Variants in PUDP observed in about 807,000 individuals in gnomAD.
PUDP encodes the protein pseudouridine 5'-phosphatase.
Under a neutral mutation model 9.4 loss-of-function variants are expected in PUDP, and 8 were observed. The observed-to-expected ratio is 0.85, with a 90% CI of 0.50 to 1.53. The LOEUF (loss-of-function observed/expected upper bound fraction) is 1.53, where lower values mean the gene tolerates loss of function less well. Among genes scored for constraint, PUDP ranks in the 40% most tolerant of loss-of-function variants. The pLI, the probability that PUDP is intolerant of heterozygous loss-of-function variation, is 0.00. For synonymous variants in PUDP, 99 were observed against 80.7 expected (o/e 1.23, Z -1.22); for missense variants, 188 against 189.7 (o/e 0.99, Z 0.05).
At chrX:6,971,702 G>A (rs752038276) in intron 3 of PUDP, among the ~76,000 whole-genome samples, 365 of 111,251 alleles carry the variant, frequency 3.3e-3, no homozygotes, top group South Asian at 7.7e-3. Context: ...GGGATTACAG[G>A]CGTGAGCCAC....
chrX:7,113,928 A>C (rs1932121332), intron 1 of PUDP, among the ~76,000 whole-genome samples: 1 of 111,469 alleles, frequency 9.0e-6, no homozygotes, highest in African/African-American at 3.3e-5. Flanking sequence ...ATGGGGACTG[A>C]GAAGTCCAAC....
chrX:7,076,312 C>A (rs960652836), intron 3 of PUDP, among the ~76,000 whole-genome samples: 25 of 111,699 alleles, frequency 2.2e-4, no homozygotes, highest in Non-Finnish European at 1.5e-4. Context: ...CCCCACAAAC[C>A]ACAAAAGTCC....
chrX:7,145,783 T>A (rs1263275143), intron 1 of PUDP, among the ~76,000 whole-genome samples: 4 of 111,729 alleles, frequency 3.6e-5, no homozygotes, highest in Non-Finnish European at 7.5e-5. Context: ...CGTTTTCAAT[T>A]TTACTTCCCC....
intron 1 of PUDP, among the ~76,000 whole-genome samples, chrX:6,979,861 A>G (rs1569134645): frequency 8.9e-6 from 1 of 111,743 alleles, no homozygotes; most frequent in Non-Finnish European, 1.9e-5. Context: ...TAGCTCTAGA[A>G]TTAAAATTAT....
chrX:6,946,907 A>G (rs1356644185), intron 3 of PUDP, among the ~76,000 whole-genome samples: 1 of 111,489 alleles, frequency 9.0e-6, no homozygotes, highest in Non-Finnish European at 1.9e-5. Context: ...TGTAAAGTAA[A>G]CATGGATTAA....
chrX:7,071,599 C>T (rs1160511903), intron 3 of PUDP, among the ~76,000 whole-genome samples: 2 of 110,905 alleles, frequency 1.8e-5, no homozygotes. Context: ...CCTGTGCCAT[C>T]CCCAGTTCCC....
intron 1 of PUDP, among the ~76,000 whole-genome samples, chrX:7,032,310 C>T (rs1157494145): frequency 5.4e-5 from 6 of 111,718 alleles, no homozygotes; most frequent in East Asian, 2.8e-4. Context: ...TATAAAATGG[C>T]GCAACCACTT....
chrX:6,866,362 A>G (rs560913127), intron 3 of PUDP, among the ~76,000 whole-genome samples: 3 of 110,859 alleles, frequency 2.7e-5, no homozygotes, highest in South Asian at 7.6e-4. Flanking sequence ...AAATATTCCC[A>G]AAACTTGTTT....
intron 1 of PUDP, among the ~76,000 whole-genome samples, chrX:7,018,319 A>T (rs1929581304): frequency 8.9e-6 from 1 of 111,733 alleles, no homozygotes; most frequent in Non-Finnish European, 1.9e-5. Flanking sequence ...AGAACTATTC[A>T]TTTTATCTTT....
At chrX:7,138,885 T>A (rs1435483548) in intron 1 of PUDP, among the ~76,000 whole-genome samples, 3 of 82,150 alleles carry the variant, frequency 3.7e-5, no homozygotes, top group Non-Finnish European at 7.0e-5. Context: ...CACACTTCAA[T>A]GTAATCATTA....
intron 3 of PUDP, among the ~76,000 whole-genome samples, chrX:6,758,605 A>T (rs147694127): frequency 1.1e-3 from 127 of 111,679 alleles, no homozygotes; most frequent in African/African-American, 4.0e-3. Context: ...TGAGACAAAG[A>T]CCTGACATGG....
intron 3 of PUDP, among the ~76,000 whole-genome samples, chrX:6,796,542 G>C (rs1299267854): frequency 8.9e-6 from 1 of 111,849 alleles, no homozygotes; most frequent in Non-Finnish European, 1.9e-5. Flanking sequence ...CCCTACTGAT[G>C]GCATATATAA....
At chrX:6,853,208 A>C (rs1244984273) in intron 3 of PUDP, among the ~76,000 whole-genome samples, 1 of 111,367 alleles carries the variant, frequency 9.0e-6, no homozygotes, top group East Asian at 2.8e-4. Flanking sequence ...TCCCTTATCT[A>C]TGTCTACAGG....
At chrX:6,793,493 G>A (rs191741595) in intron 3 of PUDP, among the ~76,000 whole-genome samples, 63 of 112,004 alleles carry the variant, frequency 5.6e-4, no homozygotes, top group Non-Finnish European at 9.4e-4. Flanking sequence ...ACAAAAATTC[G>A]AACCATAGCA....
chrX:6,945,556 A>G (rs1248002846), intron 3 of PUDP, among the ~76,000 whole-genome samples: 1 of 111,847 alleles, frequency 8.9e-6, no homozygotes, highest in African/African-American at 3.2e-5. Context: ...TGGTCAATAT[A>G]CACAAAGAAA....
At chrX:7,063,439 C>T (rs901916640) in intron 3 of PUDP, among the ~76,000 whole-genome samples, 2 of 111,213 alleles carry the variant, frequency 1.8e-5, no homozygotes, top group African/African-American at 6.5e-5. Context: ...TTCAATTCAG[C>T]TTATCTGAAG....
chrX:7,005,086 G>C (rs1309474714), intron 1 of PUDP, among the ~76,000 whole-genome samples: 1 of 111,570 alleles, frequency 9.0e-6, no homozygotes, highest in Non-Finnish European at 1.9e-5. Flanking sequence ...TCACAGTCTT[G>C]TGGGGGCCAC....
At chrX:7,002,306 T>G (rs765146499) in intron 1 of PUDP, among the ~76,000 whole-genome samples, 2 of 112,224 alleles carry the variant, frequency 1.8e-5, no homozygotes, top group Non-Finnish European at 3.8e-5. Flanking sequence ...GGTGCCCATA[T>G]CAGCTACCAA....
At chrX:7,079,489 ACTT>A (rs1445095000) in intron 2 of PUDP, among the ~76,000 whole-genome samples, 1 of 112,801 alleles carries the variant, frequency 8.9e-6, no homozygotes, top group East Asian at 2.8e-4. Context: ...TTTATGTAAT[ACTT>A]CTCCCAACAA....
Sources: allele counts gnomAD v4.1 joint callset (sites outside exome capture counted in the v4.1 genomes callset), GRCh38; gene constraint gnomAD v4.1.1; transcripts MANE v1.5; gene names NCBI Gene and HGNC (gene_info 2026-07-23, HGNC 2026-07-21).